The following SYNE1 variants were observed in gnomAD, a reference collection of about 807,000 sequenced individuals.
The protein encoded by SYNE1 is spectrin repeat containing nuclear envelope protein 1.
In SYNE1, 616 loss-of-function variants were observed where a neutral mutation model predicts 1,111.0. The observed-to-expected ratio is 0.55, with a 90% CI of 0.52 to 0.59. The LOEUF is 0.59. SYNE1 is among the 20% of genes least tolerant of loss of function. The pLI, the probability that SYNE1 is intolerant of heterozygous loss-of-function variation, is 0.00. For missense variants in SYNE1, 10,006 were observed against 10,417.0 expected (o/e 0.96, Z 1.72); for synonymous variants, 3,855 against 3,825.8 (o/e 1.01, Z -0.28).
At position 152,419,700 on chromosome 6, in the gene SYNE1, C is replaced by T. The variant is rs2098222831; in HGVS notation, c.5290G>A (p.Val1764Ile). The change falls in exon 40 of 146, where the codon GTT (valine) becomes ATT (isoleucine). Residue 1764 changes from valine to isoleucine, a missense_variant. By Grantham distance (29) the Val-to-Ile change is conservative (BLOSUM62 3). Around this residue, in one of 7 missense-constraint regions of SYNE1, gnomAD observed 1,971 missense variants for 2,084.1 expected, o/e 0.95. Coordinates refer to ENST00000367255, the MANE Select transcript of SYNE1 (RefSeq NM_182961.4). ...NKRINFLQSV[V>I]AEHQQFDELL... ...TCATCAAATTGCTGGTGTTCAGCAA[C>T]CACAGACTGAAGAAAATTAATCCTA... 6.2e-7 allele frequency: 1 copy of T among 1,613,850 alleles called. No homozygotes were observed. The highest frequency in any genetic ancestry group is 1.3e-5 in the African/African-American group (1 of 74,882).
chr6:152,353,815 T>C, intron 67 of SYNE1, 71 bp from the exon 68 acceptor site: 2 of 1,586,306 alleles, frequency 1.3e-6, no homozygotes, highest in South Asian at 2.2e-5. Flanking sequence ...TATATCTTCT[T>C]ATAGGAAATG....
chr6:152,178,100 T>C (rs2066938042), intron 129 of SYNE1, among the ~76,000 whole-genome samples: 1 of 152,152 alleles, frequency 6.6e-6, no homozygotes, highest in Admixed American at 6.5e-5. Context: ...TTTTAAATAA[T>C]ATTCCTAACA....
chr6:152,490,763 G>A (rs1355085022), intron 11 of SYNE1, among the ~76,000 whole-genome samples: 1 of 152,076 alleles, frequency 6.6e-6, no homozygotes, highest in Non-Finnish European at 1.5e-5. Context: ...TGAAGATCTG[G>A]GACAGGGGGA....
chr6:152,589,604 A>G (rs2099552125), intron 3 of SYNE1, among the ~76,000 whole-genome samples: 1 of 152,180 alleles, frequency 6.6e-6, no homozygotes, highest in African/African-American at 2.4e-5. Context: ...CCATCAATTC[A>G]TATCACCATT....
chr6:152,318,772 T>C, intron 85 of SYNE1, 91 bp downstream of exon 85: 1 of 1,512,300 alleles, frequency 6.6e-7, no homozygotes. Flanking sequence ...AAAAGGTTCC[T>C]AAAAGGTTTT....
intron 63 of SYNE1, 50 bp downstream of exon 63, chr6:152,364,797 T>C (rs781188449): frequency 8.1e-6 from 13 of 1,612,436 alleles, no homozygotes; most frequent in East Asian, 6.7e-5. Flanking sequence ...TAGTATTATA[T>C]TGATCTTTTA....
At chr6:152,261,252 C>T (rs1024912152) in intron 101 of SYNE1, among the ~76,000 whole-genome samples, 8 of 152,194 alleles carry the variant, frequency 5.3e-5, no homozygotes, top group African/African-American at 1.9e-4. Context: ...GGACAAAGGA[C>T]TAGTCTTGTA....
chr6:152,184,174 G>A (rs12203027), intron 128 of SYNE1, among the ~76,000 whole-genome samples: 8 of 152,136 alleles, frequency 5.3e-5, no homozygotes, highest in Admixed American at 6.5e-5. Flanking sequence ...ACTGGCTCAC[G>A]CCTATTATCC....
chr6:152,435,256 G>A (rs531506901), intron 33 of SYNE1: 67 of 152,022 alleles, frequency 4.4e-4, no homozygotes, highest in African/African-American at 1.6e-3. Flanking sequence ...ACTAAATTAT[G>A]TTAAAAATAG....
At position 152,441,358 on chromosome 6, in the gene SYNE1, C is replaced by T. The variant is rs556038173; in HGVS notation, c.4009-88G>A. The stretch of plus-strand genomic sequence containing the variant: ...ATTCGTTTGCAAAACTGTCAACTTT[C>T]AGCGAATTCTCATTTCAAATTTCAC... On this transcript the variant is annotated intron_variant, in intron 31 of 145. Transcript: ENST00000367255. 33 of 1,392,998 alleles carry T rather than the reference C, an allele frequency of 2.4e-5. No homozygotes were observed. In the African/African-American group the frequency reaches 4.0e-4, roughly 17 times the overall value. 86.3% of individuals were successfully genotyped at this position (1,392,998 alleles called of 1,614,324 possible).
chr6:152,242,896 C>A (rs550809398), intron 106 of SYNE1, among the ~76,000 whole-genome samples: 1 of 152,026 alleles, frequency 6.6e-6, no homozygotes. Context: ...CAACTCAACT[C>A]TTTGAAGAAA....
chr6:152,260,578 T>C (rs550692154), intron 101 of SYNE1, among the ~76,000 whole-genome samples: 5 of 151,924 alleles, frequency 3.3e-5, no homozygotes, highest in African/African-American at 4.8e-5. Context: ...CATGTGCTTT[T>C]ATAAAAACAG....
chr6:152,192,879 G>A (rs2072938639), intron 127 of SYNE1, among the ~76,000 whole-genome samples: 1 of 151,782 alleles, frequency 6.6e-6, no homozygotes, highest in Non-Finnish European at 1.5e-5. Flanking sequence ...TATAAGTATA[G>A]CTATTCCTGC....
At chr6:152,537,913 T>C (rs757605921) in intron 4 of SYNE1, among the ~76,000 whole-genome samples, 69 of 152,304 alleles carry the variant, frequency 4.5e-4, no homozygotes, top group Non-Finnish European at 8.1e-4. Context: ...TAAAGCTATA[T>C]TTGGAAATGG....
In SYNE1 at chr6:152,407,081, T is replaced by C. The variant is rs2097912555; in HGVS notation, c.6656A>G (p.Gln2219Arg). Residue 2219 changes from glutamine to arginine, a missense_variant, in exon 45 of 146, where the codon CAG (glutamine) becomes CGG (arginine). Around this residue, in one of 7 missense-constraint regions of SYNE1, gnomAD observed 4,955 missense variants for 5,017.2 expected, o/e 0.99. Coordinates refer to ENST00000367255, the MANE Select transcript of SYNE1 (RefSeq NM_182961.4). ...IEGWSNNCVP[Q>R]MAENISNLDN... ...CAGGTTGCTGATGTTTTCTGCCATC[T>C]GTGGAACGCAGTTGTTTGACCATCC... is the stretch of plus-strand genomic sequence containing the variant. 1 of 1,613,970 alleles carries C rather than the reference T, an allele frequency of 6.2e-7. No individual in the cohort carries two copies.
intron 91 of SYNE1, among the ~76,000 whole-genome samples, chr6:152,308,273 C>T (rs887135670): frequency 2.6e-5 from 4 of 152,006 alleles, no homozygotes; most frequent in Non-Finnish European, 4.4e-5. Flanking sequence ...ATACGAACAA[C>T]GTGTAGAGAG....
At chr6:152,241,401 G>A (rs1432616387) in intron 107 of SYNE1, among the ~76,000 whole-genome samples, 1 of 152,028 alleles carries the variant, frequency 6.6e-6, no homozygotes, top group Non-Finnish European at 1.5e-5. Context: ...AACCCAATGG[G>A]ATTTTTTTAG....
At position 152,538,205 on chromosome 6, in the gene SYNE1, C is replaced by G. The variant is rs149956019; in HGVS notation, c.129+1755G>C. Among the ~76,000 whole-genome samples, 7 of 152,164 alleles carry G rather than the reference C, an allele frequency of 4.6e-5. No individual in the cohort carries two copies. In the East Asian group the frequency reaches 1.4e-3, roughly 29 times the overall value. On this transcript the variant is annotated intron_variant, in intron 4 of 145. Transcript: ENST00000367255. ...GACTACCTACTTCTAGAAATTTATC[C>G]TAAGAAGAAAATATCATACAAGTGT...
chr6:152,335,610 A>T (rs2153985999), intron 76 of SYNE1: 1 of 152,288 alleles, frequency 6.6e-6, no homozygotes, highest in South Asian at 2.1e-4. Context: ...TTATTGACTC[A>T]TAATCACAGA....
Sources: allele counts gnomAD v4.1 joint callset (sites outside exome capture counted in the v4.1 genomes callset), GRCh38; gene constraint gnomAD v4.1.1; regional missense constraint gnomAD v4.1.1; transcripts MANE v1.5; gene names NCBI Gene and HGNC (gene_info 2026-07-23, HGNC 2026-07-21).